GJA3: variants seen among roughly 807,000 people sequenced by gnomAD.
GJA3 encodes gap junction alpha-3 protein.
For missense variants in GJA3, 571 were observed against 620.3 expected, an observed-to-expected ratio of 0.92 and a Z score of 0.84; for synonymous variants, 297 against 292.6, an observed-to-expected ratio of 1.02 and a Z score of -0.15.
At chr13:20,152,108 C>T (rs928957696) in intron 1 of GJA3, among the ~76,000 whole-genome samples, 1 of 152,004 alleles carries the variant, frequency 6.6e-6, no homozygotes, top group South Asian at 2.1e-4. Flanking sequence ...ATGCCTGAGA[C>T]GTGTGAGTGT....
At chr13:20,152,020 G>C (rs892690319) in intron 1 of GJA3, among the ~76,000 whole-genome samples, 2 of 152,224 alleles carry the variant, frequency 1.3e-5, no homozygotes, top group Non-Finnish European at 2.9e-5. Context: ...CTTTTACCAA[G>C]ATGGGGAGAC....
chr13:20,143,370 G>C (rs1004445748), intron 1 of GJA3, 65 bp from the exon 2 acceptor site: 45 of 1,191,388 alleles, frequency 3.8e-5, no homozygotes, highest in Non-Finnish European at 5.0e-5. Context: ...CGCACCCATG[G>C]GCGGCGGCAG....
chr13:20,156,259 A>G (rs1404329302), intron 1 of GJA3, among the ~76,000 whole-genome samples: 2 of 136,994 alleles, frequency 1.5e-5, no homozygotes, highest in Non-Finnish European at 3.4e-5. Flanking sequence ...GGGAGGAACT[A>G]ATCTTTTTTT....
At chr13:20,151,007 G>A (rs1414554192) in intron 1 of GJA3, among the ~76,000 whole-genome samples, 1 of 151,396 alleles carries the variant, frequency 6.6e-6, no homozygotes, top group Non-Finnish European at 1.5e-5. Flanking sequence ...AGAACGTCAG[G>A]AAAGGAGAGA....
chr13:20,141,006 T>C lies in GJA3; in HGVS notation c.*975A>G, dbSNP rs1196746777. On this transcript the variant is annotated 3_prime_UTR_variant, in exon 2 of 2. Coordinates refer to ENST00000241125, the MANE Select transcript of GJA3 (RefSeq NM_021954.4). ...ATTCTCATTATAATTAGGTGACTCATGAAATTAAAGAATTTCTTTTACAAG... is the reference window on the plus strand; with the variant it reads ...ATTCTCATTATAATTAGGTGACTCACGAAATTAAAGAATTTCTTTTACAAG... 1.3e-5 allele frequency: 2 copies of C among 152,246 alleles called. No individual in the cohort carries two copies. Among genetic ancestry groups the C allele is most frequent in the African/African-American group, 2.4e-5 (1 of 41,472 alleles). The allele number at this position is 152,246 out of a possible 1,614,324, so 9.4% of individuals were successfully genotyped here.
chr13:20,159,803 G>A (rs1396157819), intron 1 of GJA3, among the ~76,000 whole-genome samples: 1 of 152,200 alleles, frequency 6.6e-6, no homozygotes, highest in Non-Finnish European at 1.5e-5. Context: ...TGCTGAGCAG[G>A]TGGAATCTGT....
At chr13:20,148,128 T>C (rs950474035) in intron 1 of GJA3, among the ~76,000 whole-genome samples, 1 of 152,110 alleles carries the variant, frequency 6.6e-6, no homozygotes, top group African/African-American at 2.4e-5. Context: ...GACAACTGGA[T>C]CCTGATCAGA....
intron 1 of GJA3, among the ~76,000 whole-genome samples, chr13:20,144,056 G>A (rs575057930): frequency 1.3e-5 from 2 of 152,204 alleles, no homozygotes; most frequent in Non-Finnish European, 2.9e-5. Flanking sequence ...AGGAAGATGA[G>A]GAGTATTGGA....
At position 20,141,438 on chromosome 13, in the gene GJA3, A is replaced by G. The variant is rs1958806280; in HGVS notation, c.*543T>C. The G allele has an allele frequency of 6.6e-6, 1 of 152,626 alleles. No individual in the cohort carries two copies. Among genetic ancestry groups the G allele is most frequent in the African/African-American group, 2.4e-5 (1 of 41,444 alleles). 9.5% of individuals were successfully genotyped at this position (152,626 alleles called of 1,614,324 possible). ...TTCACATGCAATTTCGGAAACTCAA[A>G]TGACACTACATAGACTTGCTGTAAA... On this transcript the variant is annotated 3_prime_UTR_variant, in exon 2 of 2. Coordinates refer to ENST00000241125, the MANE Select transcript of GJA3 (RefSeq NM_021954.4).
chr13:20,142,566 G>A lies in GJA3; in HGVS notation c.723C>T (p.Asp241=), dbSNP rs771424292. ...KQGVTSRLGP[D]ASEAPLGTAD... ...CTGTCCCCAGCGGGGCCTCGGAGGC[G>A]TCCGGGCCGAGGCGGCTGGTCACGC... Residue 241 remains aspartate, a synonymous_variant, in exon 2 of 2, where the codon GAC becomes GAT. Coordinates refer to ENST00000241125, the MANE Select transcript of GJA3 (RefSeq NM_021954.4). 1.1e-5 allele frequency: 17 copies of A among 1,591,702 alleles called. No individual in the cohort carries two copies. The East Asian group carries it at 2.8e-4, about 26-fold the overall frequency.
chr13:20,157,876 CT>C (rs36097117), intron 1 of GJA3, among the ~76,000 whole-genome samples: 53,307 of 147,692 alleles, frequency 0.36, 11,357 homozygotes, highest in Non-Finnish European at 0.5. Context: ...TTTGAATTAT[CT>C]TTTTTTTTTT....
intron 1 of GJA3, among the ~76,000 whole-genome samples, chr13:20,150,110 G>C (rs1414663574): frequency 6.6e-6 from 1 of 152,202 alleles, no homozygotes; most frequent in African/African-American, 2.4e-5. Flanking sequence ...CTATGAACCA[G>C]AGGCTAACCC....
intron 1 of GJA3, among the ~76,000 whole-genome samples, chr13:20,155,263 T>A (rs1457880888): frequency 6.6e-6 from 1 of 152,228 alleles, no homozygotes; most frequent in Non-Finnish European, 1.5e-5. Flanking sequence ...TGTCCTATCA[T>A]CAGATTTTGG....
chr13:20,152,713 T>C (rs1958886007), intron 1 of GJA3, among the ~76,000 whole-genome samples: 1 of 152,228 alleles, frequency 6.6e-6, no homozygotes, highest in Admixed American at 6.5e-5. Flanking sequence ...TTACTTGGTT[T>C]ACAAATTAGA....
In GJA3 at chr13:20,142,902, A is replaced by G. The variant is rs767562448; in HGVS notation, c.387T>C (p.Asn129=). ...SPSPKEPPQD[N]PSSRDDRGRV... is the part of the protein sequence containing the mutation. ...TGCCGCGGTCGTCCCGCGACGAGGG[A>G]TTGTCCTGCGGTGGCTCCTTGGGGC... The change falls in exon 2 of 2, where the codon AAT becomes AAC. Residue 129 remains asparagine (N), a synonymous_variant. Transcript: ENST00000241125. The G allele has an allele frequency of 1.3e-6, 2 of 1,590,832 alleles. No homozygotes were observed. Among genetic ancestry groups the G allele is most frequent in the African/African-American group, 1.3e-5 (1 of 74,330 alleles).
chr13:20,142,295 C>A lies in GJA3; in HGVS notation c.994G>T (p.Ala332Ser). The A allele has an allele frequency of 6.4e-7, 1 of 1,569,820 alleles. No homozygotes were observed. Among genetic ancestry groups the A allele is most frequent in the Non-Finnish European group, 8.6e-7 (1 of 1,159,762 alleles). Residue 332 changes from alanine (A) to serine (S), a missense_variant, in exon 2 of 2, where the codon GCG becomes TCG. By Grantham distance (99) the Ala-to-Ser change is moderately conservative. Transcript: ENST00000241125. ...AGCGCCGGGGGCTGCCGCTCGGCCG[C>A]CTGGTTGGCCCAGTTCTGCTCAGTC... ...LMTEQNWANQ[A>S]AERQPPALKA...
rs1958795687 is a variant in GJA3 at position 20,139,573 on chromosome 13, C to T, written c.*2408G>A. 1 of 152,162 alleles carries T rather than the reference C, an allele frequency of 6.6e-6. No homozygotes were observed. The highest frequency in any genetic ancestry group is 2.1e-4 in the South Asian group (1 of 4,822). The allele number at this position is 152,162 out of a possible 1,614,324, so 9.4% of individuals were successfully genotyped here. ...AACATGCGTTCATTTCTTACATGAA[C>T]TGAAATCAGTATGCTAACCTGAAAA... On this transcript the variant is annotated 3_prime_UTR_variant, in exon 2 of 2. Transcript: ENST00000241125.
chr13:20,160,487 C>T (rs1439526482), intron 1 of GJA3, among the ~76,000 whole-genome samples: 1 of 152,172 alleles, frequency 6.6e-6, no homozygotes, highest in African/African-American at 2.4e-5. Flanking sequence ...AGCATTTCAG[C>T]ATCGCTAGGA....
intron 1 of GJA3, among the ~76,000 whole-genome samples, chr13:20,147,739 T>C (rs1958851662): frequency 6.6e-6 from 1 of 152,044 alleles, no homozygotes; most frequent in Non-Finnish European, 1.5e-5. Context: ...TTTGAAAAAA[T>C]CAGCTGACTC....
Sources: allele counts gnomAD v4.1 joint callset (sites outside exome capture counted in the v4.1 genomes callset), GRCh38; gene constraint gnomAD v4.1.1; transcripts MANE v1.5; gene names NCBI Gene and HGNC (gene_info 2026-07-23, HGNC 2026-07-21).